Variants in VAV2 observed in about 807,000 individuals in gnomAD.
VAV2 encodes vav guanine nucleotide exchange factor 2.
A neutral mutation model predicts 132.5 loss-of-function variants in VAV2; 67 were observed. The ratio of observed to expected loss-of-function variants is 0.51; its 90% CI spans 0.42 to 0.62. The LOEUF (loss-of-function observed/expected upper bound fraction) is 0.62. Ranked by LOEUF, VAV2 falls within the 20% of genes least tolerant of loss-of-function variation. The probability of loss-of-function intolerance (pLI) is 0.00; values close to 1 mark genes in which losing one functional copy is unlikely to be tolerated. For synonymous variants in VAV2, 492 were observed against 443.5 expected (o/e 1.11, Z -1.37); for missense variants, 938 against 1,153.6 (o/e 0.81, Z 2.71).
chr9:133,871,434 A>G (rs537408513), intron 2 of VAV2, among the ~76,000 whole-genome samples: 1 of 146,594 alleles, frequency 6.8e-6, no homozygotes, highest in East Asian at 2.1e-4. Context: ...AGATGGATGG[A>G]TTGATTGATG....
At chr9:133,853,728 G>A (rs1837275943) in intron 3 of VAV2, among the ~76,000 whole-genome samples, 1 of 152,044 alleles carries the variant, frequency 6.6e-6, no homozygotes, top group African/African-American at 2.4e-5. Context: ...ACCAAGCCAG[G>A]CCTGAGTGCC....
chr9:133,791,927 G>GT, intron 12 of VAV2, 58 bp from the exon 13 acceptor site: 6 of 1,386,552 alleles, frequency 4.3e-6, no homozygotes, highest in Non-Finnish European at 6.1e-6. Flanking sequence ...GTGTGACTGT[G>GT]TGTGTAAGCA....
chr9:133,825,512 G>C (rs543603901), intron 4 of VAV2, among the ~76,000 whole-genome samples: 1 of 152,262 alleles, frequency 6.6e-6, no homozygotes, highest in East Asian at 1.9e-4. Context: ...ACAATCCTCT[G>C]GGGTGAACAT....
At chr9:133,968,057 C>T (rs1311672798) in intron 1 of VAV2, among the ~76,000 whole-genome samples, 6 of 150,520 alleles carry the variant, frequency 4.0e-5, no homozygotes, top group Admixed American at 1.3e-4. Context: ...CTGGGTGGGG[C>T]GACAGGAAAG....
At chr9:133,985,792 G>T (rs1477540043) in intron 1 of VAV2, among the ~76,000 whole-genome samples, 1 of 152,206 alleles carries the variant, frequency 6.6e-6, no homozygotes. Flanking sequence ...AAGACACAGG[G>T]AAGCAAGCCG....
At chr9:133,849,398 C>T (rs926821104) in intron 3 of VAV2, among the ~76,000 whole-genome samples, 5 of 152,170 alleles carry the variant, frequency 3.3e-5, no homozygotes, top group Non-Finnish European at 5.9e-5. Flanking sequence ...GGTTAGGGCT[C>T]GTGAGGATGC....
intron 2 of VAV2, among the ~76,000 whole-genome samples, chr9:133,864,760 C>T (rs969900395): frequency 7.2e-5 from 11 of 152,338 alleles, no homozygotes; most frequent in African/African-American, 2.4e-4. Flanking sequence ...TCAAAGCCTG[C>T]GGGAAGCCAG....
intron 1 of VAV2, among the ~76,000 whole-genome samples, chr9:133,953,220 TG>T (rs982693944): frequency 4.6e-4 from 70 of 152,360 alleles, no homozygotes; most frequent in African/African-American, 1.7e-3. Context: ...GGGCTGCTGC[TG>T]GAAGGCGCTG....
At chr9:133,805,763 G>A (rs1036351395) in intron 9 of VAV2, among the ~76,000 whole-genome samples, 9 of 151,800 alleles carry the variant, frequency 5.9e-5, no homozygotes, top group Admixed American at 3.3e-4. Flanking sequence ...GCAGAAGGGA[G>A]AAGTGGGGGC....
rs776923284 is a variant in VAV2, at chr9:133,769,410, G to T, written c.2434+7C>A. 6.2e-7 allele frequency: 1 copy of T among 1,609,286 alleles called. No individual in the cohort carries two copies. On this transcript the variant is annotated splice_region_variant and intron_variant, in intron 28 of 29. Transcript: ENST00000371850. The surrounding 1 kb of genome is among the most constrained non-coding windows in gnomAD (Gnocchi z 8.1). The stretch of plus-strand genomic sequence containing the variant: ...CGGTCCCCCCACGCCCTGGGGAGCA[G>T]CGGTACCTGACCAGAAGGGAGCGGA...
intron 1 of VAV2, among the ~76,000 whole-genome samples, chr9:133,976,169 G>T (rs974655503): frequency 2.6e-5 from 4 of 151,994 alleles, no homozygotes; most frequent in Admixed American, 2.6e-4. Flanking sequence ...TCGCACCACT[G>T]CACTCCAGAC....
At position 133,789,138 on chromosome 9, in the gene VAV2, G is replaced by A. The variant is rs10993800; in HGVS notation, c.1274+120C>T. 2,389 of 1,085,572 alleles carry A rather than the reference G, an allele frequency of 2.2e-3. 30 individuals carry two copies. In the African/African-American group the frequency reaches 0.03, roughly 14 times the overall value. The allele number at this position is 1,085,572 out of a possible 1,614,324, so 67.2% of individuals were successfully genotyped here. On this transcript the variant is annotated intron_variant, in intron 14 of 29. Transcript: ENST00000371850. ...TAAAACTGAACAACACAAAGCCACCGCCAGGCAGCTCTTTCCACAGGAAGG... is the reference window on the plus strand; with the variant it reads ...TAAAACTGAACAACACAAAGCCACCACCAGGCAGCTCTTTCCACAGGAAGG...
intron 4 of VAV2, among the ~76,000 whole-genome samples, chr9:133,821,589 G>A (rs1310675464): frequency 6.6e-6 from 1 of 152,146 alleles, no homozygotes; most frequent in African/African-American, 2.4e-5. Flanking sequence ...TCAATGAGAC[G>A]GCATTTAGCA....
Position 133,824,334 on chromosome 9 carries a change from ACCAG to A in VAV2, c.449+9934_449+9937del, listed in dbSNP as rs1835903836. Among the ~76,000 whole-genome samples, 1 of 152,082 alleles carries A rather than the reference ACCAG, an allele frequency of 6.6e-6. No homozygotes were observed. The highest frequency in any genetic ancestry group is 2.4e-5 in the African/African-American group (1 of 41,398). ...AGAGGATCCCCACCGAGCCAGGTCC[ACCAG>A]CCCTCAGTTCCCGAGAACAGACACA... On this transcript the variant is annotated intron_variant, in intron 4 of 29. Transcript: ENST00000371850. The surrounding 1 kb of genome is among the most constrained non-coding windows in gnomAD (Gnocchi z 5.2).
chr9:133,799,921 C>T (rs1472169978), intron 9 of VAV2, among the ~76,000 whole-genome samples: 4 of 152,118 alleles, frequency 2.6e-5, no homozygotes, highest in African/African-American at 4.8e-5. Context: ...GCACCTGCCC[C>T]GCTCCGGATC....
chr9:133,800,989 T>C (rs546911067), intron 9 of VAV2, among the ~76,000 whole-genome samples: 1 of 152,318 alleles, frequency 6.6e-6, no homozygotes, highest in South Asian at 2.1e-4. Context: ...CCAAGGTCAG[T>C]GGGAGCCCAA....
intron 26 of VAV2, among the ~76,000 whole-genome samples, chr9:133,771,671 A>G (rs1388465086): frequency 6.6e-6 from 1 of 152,156 alleles, no homozygotes; most frequent in Non-Finnish European, 1.5e-5. Context: ...GAGGATGGGC[A>G]TGAGAGGAAT....
rs555808007 is a variant in VAV2, at chr9:133,819,367, T to C, written c.450-7151A>G. 2.0e-3 allele frequency among the ~76,000 whole-genome samples: 304 copies of C among 151,058 alleles called. 1 individual carries two copies. Among genetic ancestry groups the C allele is most frequent in the Non-Finnish European group, 3.4e-3 (231 of 67,908 alleles). On this transcript the variant is annotated intron_variant, in intron 4 of 29. Transcript: ENST00000371850. ...GGGAGGCTGAGGCAGGAGAATGGCG[T>C]GAACCCAGGAGGTGGAGTTTGCAGA...
rs371627027 is a variant in VAV2 at position 133,901,062 on chromosome 9, A to G, written c.321+38041T>C. 1.3e-5 allele frequency among the ~76,000 whole-genome samples: 2 copies of G among 152,118 alleles called. 1 individual carries two copies. Among genetic ancestry groups the G allele is most frequent in the Admixed American group, 1.3e-4 (2 of 15,272 alleles). On this transcript the variant is annotated intron_variant, in intron 2 of 29. Transcript: ENST00000371850. ...TGATCTGCCCGCCTCAGCCTCCCAA[A>G]GTGCTGATATCATAGGCATGAGCCA... is the stretch of plus-strand genomic sequence containing the variant.
Sources: gnomAD v4.1 joint callset for allele counts (sites outside exome capture counted in the v4.1 genomes callset) on GRCh38, gnomAD v4.1.1 for gene constraint, Gnocchi (gnomAD v3.1) non-coding constraint, MANE v1.5 for transcripts, NCBI Gene and HGNC (gene_info 2026-07-23, HGNC 2026-07-21) for gene names.